The following RGL1 variants were observed in gnomAD, a reference collection of about 807,000 sequenced individuals.
The protein encoded by RGL1 is ral guanine nucleotide dissociation stimulator-like 1.
Under a neutral mutation model 95.2 loss-of-function variants are expected in RGL1, and 24 were observed. The observed-to-expected ratio is 0.25, with a 90% CI of 0.18 to 0.35. RGL1 has a LOEUF of 0.35. RGL1 is among the 10% of genes least tolerant of loss of function. The pLI is 1.00. For missense variants in RGL1, 715 were observed against 936.3 expected (o/e 0.76, Z 3.08); for synonymous variants, 329 against 344.9 (o/e 0.95, Z 0.51).
intron 1 of RGL1, among the ~76,000 whole-genome samples, chr1:183,661,475 C>T (rs1350379292): frequency 6.6e-6 from 1 of 152,118 alleles, no homozygotes; most frequent in Non-Finnish European, 1.5e-5. Flanking sequence ...GGATAAATTC[C>T]TCAACACATA....
chr1:183,647,704 T>C, intron 1 of RGL1: 1 of 1,601,568 alleles, frequency 6.2e-7, no homozygotes, highest in East Asian at 2.2e-5. Context: ...TTCTTCTTCT[T>C]TTCATCTGCC....
At chr1:183,668,851 T>C (rs1312264433) in intron 1 of RGL1, among the ~76,000 whole-genome samples, 4 of 152,078 alleles carry the variant, frequency 2.6e-5, no homozygotes, top group Non-Finnish European at 4.4e-5. Context: ...TTACACCCTT[T>C]GTAGTTGTCC....
In RGL1 at chr1:183,636,262, T is replaced by C. The variant is rs142753532; in HGVS notation, c.-272T>C. 170 of 398,192 alleles carry C rather than the reference T, an allele frequency of 4.3e-4. 1 individual carries two copies. The highest frequency in any genetic ancestry group is 3.8e-4 in the Non-Finnish European group (85 of 226,160). The allele number at this position is 398,192 out of a possible 1,614,324, so 24.7% of individuals were successfully genotyped here. On this transcript the variant is annotated 5_prime_UTR_variant, in exon 1 of 19. Transcript: ENST00000304685. Reference sequence around the variant, plus strand: ...GCCGGACCGAGTGCCCTGCAGTTGGTAGGAGTATGAGGCAGAGTGATGCAC... The same window carrying C: ...GCCGGACCGAGTGCCCTGCAGTTGGCAGGAGTATGAGGCAGAGTGATGCAC...
chr1:183,901,382 G>A (rs554554325), intron 11 of RGL1, among the ~76,000 whole-genome samples: 4 of 152,226 alleles, frequency 2.6e-5, no homozygotes, highest in African/African-American at 9.6e-5. Flanking sequence ...AACTACTCTG[G>A]AGGCTGAGGC....
intron 1 of RGL1, among the ~76,000 whole-genome samples, chr1:183,645,452 C>T (rs1650219624): frequency 6.6e-6 from 1 of 152,190 alleles, no homozygotes; most frequent in Non-Finnish European, 1.5e-5. Flanking sequence ...AGTGCCTTTT[C>T]CAGATCATCA....
At chr1:183,898,952 G>A (rs1209239505) in intron 10 of RGL1, among the ~76,000 whole-genome samples, 1 of 152,160 alleles carries the variant, frequency 6.6e-6, no homozygotes, top group African/African-American at 2.4e-5. Context: ...TTAGGATAAG[G>A]GATCCATGGG....
chr1:183,689,638 A>G (rs1489801442), intron 1 of RGL1, among the ~76,000 whole-genome samples: 1 of 152,200 alleles, frequency 6.6e-6, no homozygotes, highest in African/African-American at 2.4e-5. Flanking sequence ...TGCTTGACAT[A>G]TAGTAAGAAC....
chr1:183,693,985 A>G (rs534743658), intron 1 of RGL1, among the ~76,000 whole-genome samples: 21 of 152,206 alleles, frequency 1.4e-4, no homozygotes, highest in South Asian at 6.2e-4. Flanking sequence ...AATTTTAATC[A>G]GTCTCCTAGA....
chr1:183,727,957 G>A (rs906880988), intron 1 of RGL1, among the ~76,000 whole-genome samples: 19 of 152,162 alleles, frequency 1.2e-4, no homozygotes, highest in African/African-American at 4.3e-4. Flanking sequence ...GTCTATGAAA[G>A]TATTTCTAGA....
intron 1 of RGL1, among the ~76,000 whole-genome samples, chr1:183,670,252 T>C (rs955612858): frequency 4.6e-5 from 7 of 152,142 alleles, no homozygotes; most frequent in African/African-American, 1.7e-4. Context: ...GGGAGCTGGG[T>C]TGGCTATTTC....
chr1:183,755,917 C>T (rs1174812663), intron 2 of RGL1, among the ~76,000 whole-genome samples: 8 of 146,078 alleles, frequency 5.5e-5, no homozygotes, highest in African/African-American at 2.0e-4. Context: ...GAGTTTTGCT[C>T]TTGTTGCCCA....
At chr1:183,800,151 C>G (rs16861532), upstream of RGL1, among the ~76,000 whole-genome samples, 39 of 152,144 alleles carry the variant, frequency 2.6e-4, no homozygotes, top group African/African-American at 9.4e-4. Flanking sequence ...CCATATCATC[C>G]TACATAAGTA....
At chr1:183,681,651 C>CTCT (rs1653221945) in intron 1 of RGL1, among the ~76,000 whole-genome samples, 1 of 152,064 alleles carries the variant, frequency 6.6e-6, no homozygotes, top group Non-Finnish European at 1.5e-5. Flanking sequence ...TTTGTTGTGT[C>CTCT]TCTGCCAGGC....
intron 3 of RGL1, among the ~76,000 whole-genome samples, chr1:183,856,333 T>C (rs1434625336): frequency 6.6e-6 from 1 of 151,894 alleles, no homozygotes; most frequent in African/African-American, 2.4e-5. Context: ...ATATATGTTC[T>C]GTTATGTATA....
rs1323470627 is a variant in RGL1, at chr1:183,760,479, C to G, written c.132+18190C>G. Among the ~76,000 whole-genome samples the G allele has an allele frequency of 2.7e-5, 4 of 150,656 alleles. No homozygotes were observed. In the East Asian group the frequency reaches 7.9e-4, roughly 30 times the overall value. The stretch of plus-strand genomic sequence containing the variant: ...GAGCATGGTGGCTCCCACCAGTCAT[C>G]CCAGCGCTGTGGGAGGCTGAGGTAG... On this transcript the variant is annotated intron_variant, in intron 2 of 18. Coordinates refer to the RGL1 transcript ENST00000304685.
At chr1:183,807,432 G>A (rs116122857) in intron 2 of RGL1, among the ~76,000 whole-genome samples, 2,103 of 152,296 alleles carry the variant, frequency 0.014, 35 homozygotes, top group Non-Finnish European at 0.023. Flanking sequence ...CATCTTTAGC[G>A]GCTTGGAGTC....
At chr1:183,863,819 A>G (rs1223691562) in intron 3 of RGL1, among the ~76,000 whole-genome samples, 2 of 152,104 alleles carry the variant, frequency 1.3e-5, no homozygotes, top group African/African-American at 4.8e-5. Flanking sequence ...TGTCCAAGTT[A>G]TTATCAAGCA....
In RGL1 at chr1:183,727,179, C is replaced by T. The variant is rs1386603411; in HGVS notation, c.-32-14947C>T. On this transcript the variant is annotated intron_variant, in intron 1 of 18. Coordinates refer to the RGL1 transcript ENST00000304685. ...TACATGATAATCAAATAATGTTTAT[C>T]CTAGGAATACAAGGTTGCTTAACAT... is the stretch of plus-strand genomic sequence containing the variant. 3.3e-5 allele frequency among the ~76,000 whole-genome samples: 5 copies of T among 151,928 alleles called. No individual in the cohort carries two copies. The East Asian group carries it at 9.6e-4, about 29-fold the overall frequency.
intron 16 of RGL1, among the ~76,000 whole-genome samples, chr1:183,917,029 G>A (rs1558294012): frequency 6.6e-6 from 1 of 152,178 alleles, no homozygotes; most frequent in Non-Finnish European, 1.5e-5. Context: ...CAGTGTAAAT[G>A]TGCTCCAGGG....
Sources: gnomAD v4.1 joint callset for allele counts (sites outside exome capture counted in the v4.1 genomes callset) on GRCh38, gnomAD v4.1.1 for gene constraint, MANE v1.5 for transcripts, NCBI Gene and HGNC (gene_info 2026-07-23, HGNC 2026-07-21) for gene names.